NOL8: variants seen among roughly 807,000 people sequenced by gnomAD.
NOL8 encodes the protein nucleolar protein Nop132.
A neutral mutation model predicts 116.1 loss-of-function variants in NOL8; 93 were observed. The observed-to-expected ratio is 0.80, with a 90% CI of 0.68 to 0.95. The LOEUF is 0.95. NOL8 is among the 40% of genes least tolerant of loss of function. The pLI is 0.00. For synonymous variants in NOL8, 419 were observed against 469.0 expected (o/e 0.89, Z 1.38); for missense variants, 1,291 against 1,382.8 (o/e 0.93, Z 1.05).
chr9:92,314,566 T>A lies in NOL8; in HGVS notation c.2059A>T (p.Lys687Ter). The A allele has an allele frequency of 6.2e-7, 1 of 1,613,390 alleles. No homozygotes were observed. The highest frequency in any genetic ancestry group is 8.5e-7 in the Non-Finnish European group (1 of 1,179,568). Residue 687 changes from lysine to a stop codon, truncating the protein, a stop_gained, in exon 7 of 17, where the codon AAG (lysine) becomes TAG (stop). Transcript: ENST00000442668. LOFTEE classifies it high-confidence loss of function. ...TTGTCAAAGCCTATGTTGTGAGTCT[T>A]TGCACTAAGACTTAAGGACTTCTTA... The part of the protein sequence containing the change: ...EGKKSLSLSA[K>*]THNIGFDKDS...
chr9:92,312,849 GAAAA>G (rs1298662112), intron 7 of NOL8, among the ~76,000 whole-genome samples: 1 of 105,432 alleles, frequency 9.5e-6, no homozygotes, highest in Non-Finnish European at 2.1e-5. Context: ...AAAAAAAAAA[GAAAA>G]GAAAAACCAC....
At position 92,315,466 on chromosome 9, in the gene NOL8, T is replaced by A. The variant is rs1421716670; in HGVS notation, c.1159A>T (p.Met387Leu). The A allele has an allele frequency of 6.2e-7, 1 of 1,601,180 alleles. No individual in the cohort carries two copies. The highest frequency in any genetic ancestry group is 8.5e-7 in the Non-Finnish European group (1 of 1,173,198). The change falls in exon 7 of 17, where the codon ATG becomes TTG. Residue 387 changes from methionine to leucine, a missense_variant. Physicochemically the swap from Met to Leu is conservative, Grantham distance 15 (BLOSUM62 2). Transcript: ENST00000442668. ...TTGACCTTAGCAACATTTTTTTTCA[T>A]CGCAATAATTTCATCTGTATCTCCT... The part of the protein sequence containing the change: ...DSGDTDEIIA[M>L]KKNVAKVKNS...
Position 92,318,718 on chromosome 9 carries a change from A to T in NOL8, c.418-32T>A, listed in dbSNP as rs577664692. 1.4e-5 allele frequency: 19 copies of T among 1,363,150 alleles called. No individual in the cohort carries two copies. In the East Asian group the frequency reaches 4.6e-4, roughly 33 times the overall value. 84.4% of individuals were successfully genotyped at this position (1,363,150 alleles called of 1,614,324 possible). ...GAAAAAAAAAGAATTTATTTACTAT[A>T]TGTGACACAAATGGAAAAGATTTAA... On this transcript the variant is annotated intron_variant, in intron 5 of 16. Coordinates refer to ENST00000442668, the MANE Select transcript of NOL8 (RefSeq NM_017948.6).
intron 12 of NOL8, 118 bp downstream of exon 12, chr9:92,305,635 A>G: frequency 1.3e-6 from 1 of 744,974 alleles, no homozygotes; most frequent in South Asian, 1.5e-5. Flanking sequence ...CCCCTACCCC[A>G]CCAATCTTAA....
chr9:92,321,197 T>C (rs1839892588), intron 4 of NOL8, among the ~76,000 whole-genome samples: 1 of 152,220 alleles, frequency 6.6e-6, no homozygotes, highest in Non-Finnish European at 1.5e-5. Flanking sequence ...CATTTTCTGA[T>C]ATAAACTGAG....
rs777923898 is a variant in NOL8, at chr9:92,314,296, T to G, written c.2329A>C (p.Lys777Gln). ...ARQKAKEVQKKLVHNALANLD... is the reference protein window; with the variant it reads ...ARQKAKEVQKQLVHNALANLD... ...TTTGCCAGAGCATTATGCACCAGCT[T>G]CTTCTGCACTTCTTTTGCTTTTTGC... is the stretch of plus-strand genomic sequence containing the variant. Residue 777 changes from lysine (K) to glutamine (Q), a missense_variant, in exon 7 of 17, where the codon AAG (lysine) becomes CAG (glutamine). By Grantham distance (53) the Lys-to-Gln change is moderately conservative. Coordinates refer to ENST00000442668, the MANE Select transcript of NOL8 (RefSeq NM_017948.6). 9.4e-6 allele frequency: 15 copies of G among 1,591,990 alleles called. No individual in the cohort carries two copies. The highest frequency in any genetic ancestry group is 5.6e-5 in the South Asian group (5 of 89,288).
At position 92,314,994 on chromosome 9, in the gene NOL8, A is replaced by C; in HGVS notation, c.1631T>G (p.Ile544Ser). The C allele has an allele frequency of 3.1e-6, 5 of 1,613,984 alleles. No homozygotes were observed. The highest frequency in any genetic ancestry group is 3.4e-6 in the Non-Finnish European group (4 of 1,179,876). Residue 544 changes from isoleucine to serine, a missense_variant, in exon 7 of 17, where the codon ATT (isoleucine) becomes AGT (serine). Coordinates refer to ENST00000442668, the MANE Select transcript of NOL8 (RefSeq NM_017948.6). The part of the protein sequence containing the change: ...RGRQCIRPAE[I>S]VASLLEGEEN... ...CTCTCCTTCTAACAGGGAAGCCACA[A>C]TCTCCGCAGGACGAATACACTGTCG...
chr9:92,303,373 G>A (rs903707087), intron 12 of NOL8, among the ~76,000 whole-genome samples: 2 of 152,032 alleles, frequency 1.3e-5, no homozygotes, highest in African/African-American at 4.8e-5. Flanking sequence ...ATGATAGGGG[G>A]AAAAACAAAC....
At chr9:92,324,696 G>T (rs1048592715) in intron 1 of NOL8, 2 of 152,048 alleles carry the variant, frequency 1.3e-5, no homozygotes, top group Non-Finnish European at 2.9e-5. Flanking sequence ...GAGGCTAGGA[G>T]CTCCTTATAG....
At position 92,301,679 on chromosome 9, in the gene NOL8, C is replaced by G. The variant is rs773318020; in HGVS notation, c.3047G>C (p.Trp1016Ser). 6.2e-6 allele frequency: 10 copies of G among 1,605,880 alleles called. No homozygotes were observed. Among genetic ancestry groups the G allele is most frequent in the South Asian group, 1.1e-5 (1 of 89,218 alleles). The change falls in exon 13 of 17, where the codon TGG becomes TCG. Residue 1016 changes from tryptophan (W) to serine (S), a missense_variant. By Grantham distance (177) the Trp-to-Ser change is radical (BLOSUM62 -3). Transcript: ENST00000442668. ...TTTCTCTTTACCACAGTCCTCATTC[C>G]AGGGTGTGCCCTCTTCCTTTTCACT... Reference protein sequence around the residue: ...YTSEKEEGTPWNEDCGKEKPE... With the variant: ...YTSEKEEGTPSNEDCGKEKPE...
At chr9:92,316,232 C>G in intron 6 of NOL8, 94 bp from the exon 7 acceptor site, 1 of 1,308,842 alleles carries the variant, frequency 7.6e-7, no homozygotes, top group Non-Finnish European at 1.0e-6. Context: ...TCAAATAAGT[C>G]ATTTCCCCCC....
chr9:92,300,050 TG>T (rs1837601318), intron 13 of NOL8, 34 bp from the exon 14 acceptor site: 1 of 1,603,826 alleles, frequency 6.2e-7, no homozygotes, highest in Admixed American at 1.7e-5. Context: ...ATGATGGGAT[TG>T]TAACTCCACA....
At chr9:92,297,925 T>G (rs1306616728) in intron 16 of NOL8, 39 bp from the exon 17 acceptor site, 1 of 1,501,714 alleles carries the variant, frequency 6.7e-7, no homozygotes, top group African/African-American at 1.4e-5. Context: ...ATAAACAAAT[T>G]GTTTTTAAGA....
chr9:92,317,023 G>A (rs2130720325), intron 6 of NOL8, among the ~76,000 whole-genome samples: 1 of 152,286 alleles, frequency 6.6e-6, no homozygotes, highest in Non-Finnish European at 1.5e-5. Context: ...CATGATCGTG[G>A]CTCAATACAG....
Position 92,324,173 on chromosome 9 carries a change from A to C in NOL8, c.-12T>G. 1 of 1,612,192 alleles carries C rather than the reference A, an allele frequency of 6.2e-7. No homozygotes were observed. The highest frequency in any genetic ancestry group is 8.5e-7 in the Non-Finnish European group (1 of 1,178,880). ...CTGTTCACTTTCATGAAGGCTGGGCATATACTTGGGTGTGTTTCAGTGGGA... is the reference window on the plus strand; with the variant it reads ...CTGTTCACTTTCATGAAGGCTGGGCCTATACTTGGGTGTGTTTCAGTGGGA... On this transcript the variant is annotated 5_prime_UTR_variant, in exon 2 of 17. An upstream start codon of the reference 5' UTR is lost. Transcript: ENST00000442668.
At chr9:92,310,457 TGTA>T in intron 9 of NOL8, 93 bp downstream of exon 9, 1 of 1,377,598 alleles carries the variant, frequency 7.3e-7, no homozygotes, top group Admixed American at 2.0e-5. Context: ...GATGCTATAA[TGTA>T]GGTTAAGGTC....
chr9:92,299,162 C>T (rs2134076996), intron 14 of NOL8, among the ~76,000 whole-genome samples: 1 of 152,310 alleles, frequency 6.6e-6, no homozygotes, highest in Non-Finnish European at 1.5e-5. Context: ...AAACAACCCT[C>T]CCTCTAACAT....
chr9:92,323,413 C>A (rs117334082), intron 3 of NOL8, 28 bp downstream of exon 3: 3 of 1,579,164 alleles, frequency 1.9e-6, no homozygotes, highest in African/African-American at 1.3e-5. Flanking sequence ...AACTGGCAAA[C>A]AGTATAGAAA....
intron 5 of NOL8, 21 bp from the exon 6 acceptor site, chr9:92,318,707 T>G (rs1009202660): frequency 6.8e-7 from 1 of 1,469,360 alleles, no homozygotes; most frequent in Non-Finnish European, 9.3e-7. Flanking sequence ...AAAAAAGAAT[T>G]TATTTACTAT....
Sources: allele counts gnomAD v4.1 joint callset (sites outside exome capture counted in the v4.1 genomes callset), GRCh38; gene constraint gnomAD v4.1.1; transcripts MANE v1.5; gene names NCBI Gene and HGNC (gene_info 2026-07-23, HGNC 2026-07-21).